CNTNAP2: variants seen among roughly 807,000 people sequenced by gnomAD.
The protein encoded by CNTNAP2 is contactin associated protein 2.
CNTNAP2 carries 98 observed loss-of-function variants against 155.2 expected under a neutral mutation model. The observed-to-expected ratio is 0.63, with a 90% CI of 0.54 to 0.75. The LOEUF is 0.75. CNTNAP2 is among the 30% of genes least tolerant of loss of function. CNTNAP2 has a pLI of 0.00. For synonymous variants in CNTNAP2, 651 were observed against 631.2 expected, an observed-to-expected ratio of 1.03 and a Z score of -0.47; for missense variants, 1,727 against 1,688.1, an observed-to-expected ratio of 1.02 and a Z score of -0.40.
chr7:147,269,601 C>A (rs1432699357), intron 8 of CNTNAP2, among the ~76,000 whole-genome samples: 1 of 152,146 alleles, frequency 6.6e-6, no homozygotes, highest in Non-Finnish European at 1.5e-5. Flanking sequence ...TGCTATATTC[C>A]TCTTGTTTTT....
At chr7:146,928,387 C>T (rs916813739) in intron 3 of CNTNAP2, among the ~76,000 whole-genome samples, 7 of 152,026 alleles carry the variant, frequency 4.6e-5, no homozygotes, top group South Asian at 2.1e-4. Flanking sequence ...TAATGTTGGT[C>T]GTTCTGGGTG....
At chr7:147,331,953 T>A (rs978238425) in intron 9 of CNTNAP2, among the ~76,000 whole-genome samples, 1 of 152,206 alleles carries the variant, frequency 6.6e-6, no homozygotes, top group Non-Finnish European at 1.5e-5. Flanking sequence ...ACAACATGTT[T>A]CAAAACATGA....
chr7:147,860,178 A>G (rs1388501302), intron 13 of CNTNAP2, among the ~76,000 whole-genome samples: 1 of 152,080 alleles, frequency 6.6e-6, no homozygotes, highest in East Asian at 1.9e-4. Context: ...TAATCTCAAC[A>G]CTTTGGAAGG....
intron 1 of CNTNAP2, among the ~76,000 whole-genome samples, chr7:146,707,601 C>T (rs1029140080): frequency 1.3e-5 from 2 of 152,110 alleles, no homozygotes; most frequent in Middle Eastern, 3.2e-3. Context: ...CCCTGTGACT[C>T]TGACACCATC....
intron 1 of CNTNAP2, among the ~76,000 whole-genome samples, chr7:146,188,656 G>C (rs781107710): frequency 6.6e-6 from 1 of 152,062 alleles, no homozygotes; most frequent in African/African-American, 2.4e-5. Flanking sequence ...CTTAATATGA[G>C]ACATAAAATT....
intron 1 of CNTNAP2, among the ~76,000 whole-genome samples, chr7:146,668,579 A>T (rs1176624551): frequency 2.0e-5 from 3 of 152,002 alleles, no homozygotes; most frequent in Non-Finnish European, 4.4e-5. Flanking sequence ...ATTTGTATTA[A>T]TTCTCCTTCA....
intron 1 of CNTNAP2, among the ~76,000 whole-genome samples, chr7:146,141,548 A>G (rs1797882219): frequency 1.3e-5 from 2 of 152,172 alleles, no homozygotes; most frequent in Admixed American, 1.3e-4. Context: ...CTATATTTAA[A>G]TAACAATTAC....
chr7:148,291,298 AATAT>A (rs34441877), intron 21 of CNTNAP2, among the ~76,000 whole-genome samples: 1 of 131,348 alleles, frequency 7.6e-6, no homozygotes, highest in African/African-American at 3.0e-5. Context: ...ATATATATAT[AATAT>A]ATATATATAT....
chr7:147,704,617 C>T (rs1796282646), intron 13 of CNTNAP2: 1 of 154,114 alleles, frequency 6.5e-6, no homozygotes, highest in East Asian at 1.9e-4. Context: ...GGATAATTCC[C>T]TCTTCTTCAG....
At chr7:147,692,597 C>G (rs1016620885) in intron 13 of CNTNAP2, among the ~76,000 whole-genome samples, 2 of 152,090 alleles carry the variant, frequency 1.3e-5, no homozygotes, top group African/African-American at 4.8e-5. Context: ...TTGCATTTCT[C>G]TGATGACATG....
chr7:146,567,335 A>C (rs1798372630), intron 1 of CNTNAP2, among the ~76,000 whole-genome samples: 1 of 152,212 alleles, frequency 6.6e-6, no homozygotes, highest in Non-Finnish European at 1.5e-5. Flanking sequence ...GTTAAATAAA[A>C]GGAACAATTA....
At chr7:146,735,349 G>A (rs344459) in intron 1 of CNTNAP2, among the ~76,000 whole-genome samples, 3,922 of 152,152 alleles carry the variant, frequency 0.026, 164 homozygotes, top group African/African-American at 0.09. Context: ...TCAGGAGATC[G>A]AGACCATCCT....
At chr7:146,255,694 G>A (rs111349602) in intron 1 of CNTNAP2, among the ~76,000 whole-genome samples, 6,267 of 152,242 alleles carry the variant, frequency 0.041, 391 homozygotes, top group African/African-American at 0.14. Flanking sequence ...TGCTGACTTC[G>A]TTCAGAGGTG....
rs576829803 is a variant in CNTNAP2 at position 147,602,837 on chromosome 7, G to A, written c.1898-36269G>A. Reference sequence around the variant, plus strand: ...CATGAACTCATCATTTTTTATGGCTGCATAGTATTCCATGGTGTATATGTG... The same window carrying A: ...CATGAACTCATCATTTTTTATGGCTACATAGTATTCCATGGTGTATATGTG... On this transcript the variant is annotated intron_variant, in intron 12 of 23. Transcript: ENST00000361727. 5.6e-3 allele frequency among the ~76,000 whole-genome samples: 847 copies of A among 151,704 alleles called. 7 individuals carry two copies. The highest frequency in any genetic ancestry group is 0.019 in the African/African-American group (804 of 41,396).
chr7:146,556,851 AG>A lies in CNTNAP2; in HGVS notation c.98-217417del, dbSNP rs371634404. 5.6e-3 allele frequency among the ~76,000 whole-genome samples: 845 copies of A among 151,776 alleles called. 11 individuals are homozygous for A. The highest frequency in any genetic ancestry group is 0.019 in the African/African-American group (763 of 41,110). On this transcript the variant is annotated intron_variant, in intron 1 of 23. Transcript: ENST00000361727. The stretch of plus-strand genomic sequence containing the variant: ...AGTAAATCTCCCTTGCCTTGGTGAA[AG>A]GGATTGGCTTCCAGTACAGTTAATT...
chr7:148,326,589 G>A (rs114188734), intron 21 of CNTNAP2, among the ~76,000 whole-genome samples: 2,176 of 152,188 alleles, frequency 0.014, 60 homozygotes, highest in African/African-American at 0.049. Context: ...CAAATGGGCC[G>A]GGCATGGTGG....
chr7:148,338,109 C>G (rs1563049224), intron 21 of CNTNAP2, among the ~76,000 whole-genome samples: 1 of 152,060 alleles, frequency 6.6e-6, no homozygotes, highest in Non-Finnish European at 1.5e-5. Context: ...TACTTCCAGC[C>G]CCTGAGAGCC....
intron 21 of CNTNAP2, among the ~76,000 whole-genome samples, chr7:148,378,366 G>A (rs1210886034): frequency 1.5e-5 from 1 of 66,284 alleles, no homozygotes; most frequent in African/African-American, 3.7e-5. Context: ...GAGGGGAGAG[G>A]GTGGATTACA....
At chr7:148,088,883 A>G (rs1210122156) in intron 15 of CNTNAP2, among the ~76,000 whole-genome samples, 1 of 151,944 alleles carries the variant, frequency 6.6e-6, no homozygotes, top group East Asian at 1.9e-4. Context: ...CCATATTCCT[A>G]ATGAATATAG....
Sources: gnomAD v4.1 joint callset for allele counts (sites outside exome capture counted in the v4.1 genomes callset) on GRCh38, gnomAD v4.1.1 for gene constraint, MANE v1.5 for transcripts, NCBI Gene and HGNC (gene_info 2026-07-23, HGNC 2026-07-21) for gene names.